Variants in OPCML observed in about 807,000 individuals in gnomAD.
OPCML encodes the protein opioid-binding protein/cell adhesion molecule.
Under a neutral mutation model 37.8 loss-of-function variants are expected in OPCML, and 13 were observed. The observed-to-expected ratio is 0.34, with a 90% CI of 0.22 to 0.55. The LOEUF (loss-of-function observed/expected upper bound fraction) is 0.55, where lower values mean the gene tolerates loss of function less well. Ranked by LOEUF, OPCML falls within the 20% of genes least tolerant of loss-of-function variation. The probability of loss-of-function intolerance (pLI) is 0.91; values close to 1 mark genes in which losing one functional copy is unlikely to be tolerated. For missense variants in OPCML, 341 were observed against 435.6 expected, an observed-to-expected ratio of 0.78 and a Z score of 1.93; for synonymous variants, 176 against 168.8, an observed-to-expected ratio of 1.04 and a Z score of -0.33.
intron 1 of OPCML, among the ~76,000 whole-genome samples, chr11:133,045,373 G>A (rs993198611): frequency 2.0e-5 from 3 of 152,110 alleles, no homozygotes; most frequent in Non-Finnish European, 4.4e-5. Flanking sequence ...ACAAGTTTGC[G>A]GAGTAAACAA....
intron 1 of OPCML, 132 bp downstream of exon 1, chr11:133,532,132 T>C: frequency 7.0e-7 from 1 of 1,425,052 alleles, no homozygotes; most frequent in Non-Finnish European, 9.5e-7. Context: ...GCCTACCTCT[T>C]TCACTCACAT....
At chr11:133,317,693 G>T (rs1203245125) in intron 1 of OPCML, among the ~76,000 whole-genome samples, 1 of 152,084 alleles carries the variant, frequency 6.6e-6, no homozygotes, top group Non-Finnish European at 1.5e-5. Flanking sequence ...GCCTGACCTC[G>T]CTCCACCATG....
intron 2 of OPCML, among the ~76,000 whole-genome samples, chr11:132,823,643 C>A (rs1487723165): frequency 6.6e-6 from 1 of 152,164 alleles, no homozygotes; most frequent in Non-Finnish European, 1.5e-5. Context: ...ACTGCTTTCT[C>A]CATTTATCGT....
chr11:133,157,916 G>A (rs1303766909), intron 1 of OPCML, among the ~76,000 whole-genome samples: 1 of 152,192 alleles, frequency 6.6e-6, no homozygotes, highest in Admixed American at 6.5e-5. Context: ...GCTTGCCCCG[G>A]GGGGCACTGG....
chr11:133,422,904 TCAC>T (rs1945921650), intron 1 of OPCML: 1 of 972,370 alleles, frequency 1.0e-6, no homozygotes, highest in Admixed American at 6.2e-5. Context: ...TCATTTGACA[TCAC>T]CAGAAAATAG....
rs558416979 is a variant in OPCML, at chr11:132,428,106, C to G, written c.917-7813G>C. 5.9e-5 allele frequency among the ~76,000 whole-genome samples: 9 copies of G among 152,296 alleles called. No homozygotes were observed. In the South Asian group the frequency reaches 1.9e-3, roughly 32 times the overall value. On this transcript the variant is annotated intron_variant, in intron 7 of 7. Coordinates refer to ENST00000524381, the MANE Select transcript of OPCML (RefSeq NM_001012393.5). ...ATCATGTGATGAACGTCTTCCTAAA[C>G]AGAGAATTGGAATATGTGGTATAGC... is the stretch of plus-strand genomic sequence containing the variant.
At chr11:132,946,916 G>T (rs867777632) in intron 1 of OPCML, among the ~76,000 whole-genome samples, 5 of 152,280 alleles carry the variant, frequency 3.3e-5, no homozygotes, top group Middle Eastern at 3.4e-3. Context: ...GACGGGAAAG[G>T]CTCTTTTTCA....
chr11:132,614,271 C>T (rs1565712352), intron 3 of OPCML, among the ~76,000 whole-genome samples: 1 of 152,140 alleles, frequency 6.6e-6, no homozygotes, highest in Non-Finnish European at 1.5e-5. Context: ...CTGCTTCCCC[C>T]ATCAGATTTT....
At chr11:133,434,222 C>A (rs970968582) in intron 1 of OPCML, among the ~76,000 whole-genome samples, 1 of 152,096 alleles carries the variant, frequency 6.6e-6, no homozygotes, top group Non-Finnish European at 1.5e-5. Context: ...CTCACGTCTT[C>A]GCTTATTCTG....
At chr11:132,841,539 C>T (rs1941286675) in intron 2 of OPCML, among the ~76,000 whole-genome samples, 1 of 152,150 alleles carries the variant, frequency 6.6e-6, no homozygotes, top group Non-Finnish European at 1.5e-5. Context: ...CTCAAAAATA[C>T]AATCTACCTT....
chr11:133,492,000 A>T (rs1190424164), intron 1 of OPCML, among the ~76,000 whole-genome samples: 1 of 152,180 alleles, frequency 6.6e-6, no homozygotes, highest in African/African-American at 2.4e-5. Flanking sequence ...AGAGGAGATG[A>T]GGAAAGCACG....
intron 1 of OPCML, among the ~76,000 whole-genome samples, chr11:133,086,513 G>T (rs965871645): frequency 9.2e-5 from 14 of 152,122 alleles, no homozygotes; most frequent in African/African-American, 3.4e-4. Context: ...TCTTCCTGTA[G>T]ATGAAAATTC....
chr11:133,334,388 C>T (rs1943696260), intron 1 of OPCML, among the ~76,000 whole-genome samples: 1 of 152,126 alleles, frequency 6.6e-6, no homozygotes, highest in South Asian at 2.1e-4. Context: ...AGCAAACTAA[C>T]TCAGGAACAG....
At chr11:132,799,380 T>C (rs1174555195) in intron 2 of OPCML, among the ~76,000 whole-genome samples, 2 of 152,164 alleles carry the variant, frequency 1.3e-5, no homozygotes, top group Non-Finnish European at 2.9e-5. Flanking sequence ...CTTCAAACAC[T>C]TCTTCTACAG....
intron 1 of OPCML, among the ~76,000 whole-genome samples, chr11:133,510,897 A>ACACACACG (rs1555168908): frequency 6.7e-6 from 1 of 149,990 alleles, no homozygotes; most frequent in Non-Finnish European, 1.5e-5. Context: ...ACACACACAC[A>ACACACACG]CACACGCACA....
chr11:133,272,931 C>T (rs914602262), intron 1 of OPCML, among the ~76,000 whole-genome samples: 6 of 152,122 alleles, frequency 3.9e-5, no homozygotes, highest in Non-Finnish European at 7.4e-5. Context: ...TGGAAAATTA[C>T]GGGCCTTCTT....
chr11:133,064,496 T>C (rs12362615), intron 1 of OPCML, among the ~76,000 whole-genome samples: 138,466 of 152,300 alleles, frequency 0.91, 63,214 homozygotes, highest in East Asian at 1. Context: ...CAGCTGGTCC[T>C]ACCAGAGACT....
In OPCML at chr11:133,491,631, G is replaced by A. The variant is rs182658605; in HGVS notation, c.61+40633C>T. ...GCTATGCGAGGAATCCCAGAAAATC[G>A]CCCAGAGGCAGAATGTGACTGAGGC... On this transcript the variant is annotated intron_variant, in intron 1 of 7. Coordinates refer to ENST00000524381, the MANE Select transcript of OPCML (RefSeq NM_001012393.5). 2.2e-3 allele frequency among the ~76,000 whole-genome samples: 334 copies of A among 152,250 alleles called. 1 individual carries two copies. Among genetic ancestry groups the A allele is most frequent in the African/African-American group, 7.0e-3 (291 of 41,558 alleles).
intron 1 of OPCML, among the ~76,000 whole-genome samples, chr11:132,996,618 CAAAA>C (rs11285711): frequency 3.2e-5 from 4 of 123,366 alleles, no homozygotes; most frequent in Admixed American, 8.2e-5. Flanking sequence ...GGCTCCATCT[CAAAA>C]AAAAAAAAAA....
Sources: allele counts gnomAD v4.1 joint callset (sites outside exome capture counted in the v4.1 genomes callset), GRCh38; gene constraint gnomAD v4.1.1; transcripts MANE v1.5; gene names NCBI Gene and HGNC (gene_info 2026-07-23, HGNC 2026-07-21).